Variants in AGBL4 observed in about 807,000 individuals in gnomAD.
AGBL4 encodes cytosolic carboxypeptidase 6.
Under a neutral mutation model 66.4 loss-of-function variants are expected in AGBL4, and 58 were observed. The observed-to-expected ratio is 0.87, with a 90% CI of 0.71 to 1.09. The LOEUF is 1.09. AGBL4 is among the 50% of genes least tolerant of loss of function. The probability of loss-of-function intolerance (pLI) is 0.00; values close to 1 mark genes in which losing one functional copy is unlikely to be tolerated. For synonymous variants in AGBL4, 234 were observed against 222.9 expected (o/e 1.05, Z -0.44); for missense variants, 579 against 631.0 (o/e 0.92, Z 0.88).
intron 4 of AGBL4, among the ~76,000 whole-genome samples, chr1:49,086,309 T>C (rs918880404): frequency 2.0e-5 from 3 of 152,112 alleles, no homozygotes; most frequent in Admixed American, 2.0e-4. Flanking sequence ...CTGCTACAGC[T>C]TCCAGTCCAG....
intron 2 of AGBL4, among the ~76,000 whole-genome samples, chr1:49,780,725 A>G (rs1042280541): frequency 1.3e-5 from 2 of 152,142 alleles, no homozygotes; most frequent in Admixed American, 6.5e-5. Context: ...CTAAGAAAAT[A>G]ACCAGAAAAA....
chr1:49,782,275 TG>T (rs1180054999), intron 2 of AGBL4, among the ~76,000 whole-genome samples: 20 of 151,940 alleles, frequency 1.3e-4, no homozygotes, highest in African/African-American at 4.8e-4. Flanking sequence ...AATAAAAAGA[TG>T]AGGCATCACT....
At chr1:48,876,584 T>C (rs1292156260) in intron 5 of AGBL4, among the ~76,000 whole-genome samples, 2 of 152,118 alleles carry the variant, frequency 1.3e-5, no homozygotes, top group Non-Finnish European at 2.9e-5. Context: ...AGTGCACCCA[T>C]GGGCCCCACA....
At chr1:49,380,738 A>G (rs1644585004) in intron 3 of AGBL4, among the ~76,000 whole-genome samples, 1 of 152,210 alleles carries the variant, frequency 6.6e-6, no homozygotes, top group African/African-American at 2.4e-5. Flanking sequence ...AAAACAAGCA[A>G]TGGGGAAAGG....
At chr1:49,683,131 T>C (rs1165198538) in intron 3 of AGBL4, among the ~76,000 whole-genome samples, 1 of 152,122 alleles carries the variant, frequency 6.6e-6, no homozygotes, top group African/African-American at 2.4e-5. Flanking sequence ...TAGGTGCATT[T>C]TCAATTAAAA....
At chr1:48,776,669 G>C (rs1645106213) in intron 6 of AGBL4, 1 of 1,499,258 alleles carries the variant, frequency 6.7e-7, no homozygotes, top group South Asian at 1.3e-5. Flanking sequence ...GGGGCGCGCG[G>C]GGGGCTCTCG....
intron 3 of AGBL4, among the ~76,000 whole-genome samples, chr1:49,348,624 G>GA (rs1316170164): frequency 6.6e-6 from 1 of 152,216 alleles, no homozygotes; most frequent in East Asian, 1.9e-4. Flanking sequence ...CCTCCAGAGG[G>GA]AGGAGGACCG....
chr1:48,934,256 A>G (rs1181272018), intron 5 of AGBL4, among the ~76,000 whole-genome samples: 1 of 152,130 alleles, frequency 6.6e-6, no homozygotes, highest in East Asian at 1.9e-4. Flanking sequence ...TTATAGCAGG[A>G]GGGGTGTCAC....
intron 3 of AGBL4, among the ~76,000 whole-genome samples, chr1:49,368,360 T>TA (rs1236858635): frequency 5.3e-5 from 8 of 152,246 alleles, no homozygotes; most frequent in South Asian, 2.1e-4. Flanking sequence ...AACACTTTTT[T>TA]ACGTTCCCAC....
At chr1:49,706,976 T>C (rs1038454092) in intron 2 of AGBL4, among the ~76,000 whole-genome samples, 6 of 152,202 alleles carry the variant, frequency 3.9e-5, no homozygotes, top group African/African-American at 1.4e-4. Context: ...AAGTGGGCAA[T>C]TCTAGAATAA....
At chr1:49,850,292 C>G (rs1646272180) in intron 2 of AGBL4, among the ~76,000 whole-genome samples, 1 of 152,132 alleles carries the variant, frequency 6.6e-6, no homozygotes, top group Non-Finnish European at 1.5e-5. Context: ...AGCCAAGGAA[C>G]ACCAAAGATT....
At chr1:49,041,975 A>C (rs1339969333) in intron 5 of AGBL4, among the ~76,000 whole-genome samples, 1 of 152,060 alleles carries the variant, frequency 6.6e-6, no homozygotes, top group Admixed American at 6.6e-5. Flanking sequence ...TTAAAAGCAA[A>C]ATCTTAGCTT....
chr1:49,458,805 C>T (rs970547176), intron 3 of AGBL4, among the ~76,000 whole-genome samples: 3 of 151,728 alleles, frequency 2.0e-5, no homozygotes, highest in African/African-American at 7.3e-5. Flanking sequence ...TTTTCTGTGT[C>T]TATTGAGATG....
At chr1:48,894,988 A>G (rs1168853025) in intron 5 of AGBL4, among the ~76,000 whole-genome samples, 1 of 152,314 alleles carries the variant, frequency 6.6e-6, no homozygotes, top group East Asian at 1.9e-4. Flanking sequence ...TCAAATTGGC[A>G]GTGTTTCACT....
chr1:48,957,552 T>C (rs1000381760), intron 5 of AGBL4, among the ~76,000 whole-genome samples: 16 of 152,196 alleles, frequency 1.1e-4, no homozygotes, highest in Non-Finnish European at 1.5e-4. Context: ...GCCAATTTAT[T>C]TGTACTCCTC....
chr1:49,795,802 G>C (rs1644716281), intron 2 of AGBL4, among the ~76,000 whole-genome samples: 2 of 151,950 alleles, frequency 1.3e-5, no homozygotes, highest in African/African-American at 4.8e-5. Context: ...ACATAATTTT[G>C]ATGAGGATTA....
chr1:49,222,231 G>A (rs966867982), intron 4 of AGBL4, among the ~76,000 whole-genome samples: 1 of 151,478 alleles, frequency 6.6e-6, no homozygotes, highest in Admixed American at 6.6e-5. Flanking sequence ...AGCATTTTAG[G>A]TGACTTAAAG....
At chr1:49,285,969 T>A (rs1252279873) in intron 3 of AGBL4, among the ~76,000 whole-genome samples, 1 of 152,066 alleles carries the variant, frequency 6.6e-6, no homozygotes, top group Non-Finnish European at 1.5e-5. Context: ...CTCAATAAAA[T>A]ACGGGCAAAA....
intron 5 of AGBL4, among the ~76,000 whole-genome samples, chr1:49,017,485 A>C (rs945750942): frequency 6.6e-6 from 1 of 152,178 alleles, no homozygotes; most frequent in Non-Finnish European, 1.5e-5. Flanking sequence ...ATATCATCTA[A>C]TGGAGATATT....
Sources: gnomAD v4.1 joint callset for allele counts (sites outside exome capture counted in the v4.1 genomes callset) on GRCh38, gnomAD v4.1.1 for gene constraint, MANE v1.5 for transcripts, NCBI Gene and HGNC (gene_info 2026-07-23, HGNC 2026-07-21) for gene names.